The following SPACA7 variants were observed in gnomAD, a reference collection of about 807,000 sequenced individuals.
SPACA7 encodes sperm acrosome associated 7, also known as sperm acrosome-associated protein 7.
SPACA7 carries 19 observed loss-of-function variants against 26.3 expected under a neutral mutation model. The observed-to-expected ratio is 0.72, with a 90% CI of 0.50 to 1.06. The LOEUF (loss-of-function observed/expected upper bound fraction) is 1.06, where lower values mean the gene tolerates loss of function less well. Ranked by LOEUF, SPACA7 falls within the 50% of genes least tolerant of loss-of-function variation. The pLI is 0.00. For missense variants in SPACA7, 211 were observed against 229.9 expected (o/e 0.92, Z 0.53); for synonymous variants, 84 against 84.5 (o/e 0.99, Z 0.04).
At chr13:112,392,620 T>C (rs922535199) in intron 1 of SPACA7, among the ~76,000 whole-genome samples, 2 of 152,182 alleles carry the variant, frequency 1.3e-5, no homozygotes, top group African/African-American at 2.4e-5. Flanking sequence ...GAGGTCCAAA[T>C]GCTGCTTTCA....
chr13:112,401,512 GAC>G (rs1555327338), intron 5 of SPACA7, among the ~76,000 whole-genome samples: 45 of 152,272 alleles, frequency 3.0e-4, no homozygotes, highest in South Asian at 1.0e-3. Context: ...ATGATAGATA[GAC>G]AGATAGATGA....
At chr13:112,404,335 T>C (rs1885838633) in intron 5 of SPACA7, among the ~76,000 whole-genome samples, 1 of 152,236 alleles carries the variant, frequency 6.6e-6, no homozygotes, top group Admixed American at 6.5e-5. Flanking sequence ...ATCAAATGTA[T>C]AGATTGTGAA....
At chr13:112,388,155 G>A (rs1884649086) in intron 1 of SPACA7, among the ~76,000 whole-genome samples, 1 of 152,152 alleles carries the variant, frequency 6.6e-6, no homozygotes, top group Admixed American at 6.5e-5. Context: ...AAGATGAGAT[G>A]GACAGAAGGC....
intron 1 of SPACA7, among the ~76,000 whole-genome samples, chr13:112,386,656 A>C (rs1884546156): frequency 6.6e-6 from 1 of 152,162 alleles, no homozygotes; most frequent in Non-Finnish European, 1.5e-5. Flanking sequence ...TGAGAAGAAA[A>C]ATAAACTTTT....
Position 112,430,170 on chromosome 13 carries a change from C to CTGTGTGTG in SPACA7, c.446-2273_446-2272insGTGTGTGT, listed in dbSNP as rs1437758497. Among the ~76,000 whole-genome samples the CTGTGTGTG allele has an allele frequency of 1.2e-3, 137 of 115,144 alleles. No homozygotes were observed. The East Asian group carries it at 0.013, about 11-fold the overall frequency. 75.5% of individuals were successfully genotyped at this position (115,144 alleles called of 152,430 possible). On this transcript the variant is annotated intron_variant, in intron 5 of 6. Transcript: ENST00000283550. ...GGCTCAAGGCATCCCTTGCATCTCTCTCTCTGTGTGTGTGTGTGTGTGTGT... is the reference window on the plus strand; with the variant it reads ...GGCTCAAGGCATCCCTTGCATCTCTCTGTGTGTGTCTCTGTGTGTGTGTGTGTGTGTGT...
chr13:112,433,991 ACAGGGG>A (rs1227026654), intron 6 of SPACA7, among the ~76,000 whole-genome samples: 10 of 152,152 alleles, frequency 6.6e-5, no homozygotes, highest in African/African-American at 2.4e-4. Flanking sequence ...ACAGCAAAAG[ACAGGGG>A]CCTCTGCACT....
Position 112,432,498 on chromosome 13 carries a change from T to C in SPACA7, c.500T>C (p.Leu167Pro). The change falls in exon 6 of 7, where the codon CTT becomes CCT. Residue 167 changes from leucine to proline, a missense_variant. Leu to Pro is a moderately conservative substitution (Grantham distance 98). Transcript: ENST00000283550. ...AATCTATCCATTCTGGACCAAATCC[T>C]TCAAAATATTGGAAGATCTTCAGGT... ...YENLSILDQI[L>P]QNIGRSSGNI... The C allele has an allele frequency of 6.2e-7, 1 of 1,609,848 alleles. No individual in the cohort carries two copies. The highest frequency in any genetic ancestry group is 1.1e-5 in the South Asian group (1 of 91,006).
intron 1 of SPACA7, among the ~76,000 whole-genome samples, chr13:112,391,501 C>A (rs1382320250): frequency 6.6e-6 from 1 of 152,166 alleles, no homozygotes; most frequent in Non-Finnish European, 1.5e-5. Context: ...CCACAGGGAA[C>A]CCTTTCACGG....
At chr13:112,407,391 G>T (rs181941718) in intron 5 of SPACA7, among the ~76,000 whole-genome samples, 3 of 152,110 alleles carry the variant, frequency 2.0e-5, no homozygotes, top group African/African-American at 7.2e-5. Context: ...AAGAGATGGA[G>T]ACACAAAAAA....
intron 5 of SPACA7, among the ~76,000 whole-genome samples, chr13:112,402,952 G>T (rs1885739899): frequency 6.6e-6 from 1 of 151,544 alleles, no homozygotes; most frequent in African/African-American, 2.4e-5. Flanking sequence ...TCTATGGTTG[G>T]GGTTTTTTTT....
chr13:112,382,263 T>C, intron 1 of SPACA7: 1 of 586,526 alleles, frequency 1.7e-6, no homozygotes, highest in Non-Finnish European at 2.8e-6. Flanking sequence ...TTTTGTTTTG[T>C]TTTGTTTTTG....
chr13:112,402,397 GAATT>G (rs1344517580), intron 5 of SPACA7, among the ~76,000 whole-genome samples: 1 of 151,964 alleles, frequency 6.6e-6, no homozygotes, highest in Non-Finnish European at 1.5e-5. Context: ...CTATCTTACT[GAATT>G]ATTTTCTTGT....
At chr13:112,426,995 A>G (rs1253256584) in intron 5 of SPACA7, among the ~76,000 whole-genome samples, 1 of 152,216 alleles carries the variant, frequency 6.6e-6, no homozygotes, top group African/African-American at 2.4e-5. Context: ...GCTAGGAAGG[A>G]TGATGTTAGC....
chr13:112,417,613 A>G (rs1389242149), intron 5 of SPACA7, among the ~76,000 whole-genome samples: 1 of 152,082 alleles, frequency 6.6e-6, no homozygotes, highest in South Asian at 2.1e-4. Context: ...CCCAGGTGTT[A>G]TATATTTTGA....
At chr13:112,406,532 T>C (rs1489494847) in intron 5 of SPACA7, among the ~76,000 whole-genome samples, 1 of 152,138 alleles carries the variant, frequency 6.6e-6, no homozygotes, top group African/African-American at 2.4e-5. Context: ...AATAACTCTA[T>C]CTAAAAATTA....
At chr13:112,388,846 G>C (rs1446141389) in intron 1 of SPACA7, among the ~76,000 whole-genome samples, 9 of 152,158 alleles carry the variant, frequency 5.9e-5, no homozygotes, top group Admixed American at 5.9e-4. Context: ...CAGGAGTGCT[G>C]ATTGGTCAGA....
chr13:112,401,723 T>C (rs1390838384), intron 5 of SPACA7, among the ~76,000 whole-genome samples: 1 of 152,250 alleles, frequency 6.6e-6, no homozygotes, highest in Non-Finnish European at 1.5e-5. Context: ...TAGGACTTCA[T>C]CTGCTACATT....
At chr13:112,412,579 T>C (rs1886419283) in intron 5 of SPACA7, among the ~76,000 whole-genome samples, 1 of 152,196 alleles carries the variant, frequency 6.6e-6, no homozygotes, top group African/African-American at 2.4e-5. Flanking sequence ...AATGTTTTCA[T>C]AGTTTCAGGT....
intron 5 of SPACA7, among the ~76,000 whole-genome samples, chr13:112,411,992 A>C (rs1326104178): frequency 2.0e-5 from 3 of 151,982 alleles, no homozygotes; most frequent in African/African-American, 7.2e-5. Context: ...ATCATATGGT[A>C]GTTCTGTTTT....
Sources: gnomAD v4.1 joint callset for allele counts (sites outside exome capture counted in the v4.1 genomes callset) on GRCh38, gnomAD v4.1.1 for gene constraint, MANE v1.5 for transcripts, NCBI Gene and HGNC (gene_info 2026-07-23, HGNC 2026-07-21) for gene names.